The following WSCD2 variants were observed in gnomAD, a reference collection of about 807,000 sequenced individuals.
WSCD2 encodes WSC domain sialate O sulfotransferase 2.
Under a neutral mutation model 55.7 loss-of-function variants are expected in WSCD2, and 28 were observed. The observed-to-expected ratio is 0.50, with a 90% CI of 0.37 to 0.69. The LOEUF is 0.69. WSCD2 is among the 30% of genes least tolerant of loss of function. WSCD2 has a pLI of 0.00. For synonymous variants in WSCD2, 301 were observed against 301.9 expected, an observed-to-expected ratio of 1.00 and a Z score of 0.03; for missense variants, 616 against 762.1, an observed-to-expected ratio of 0.81 and a Z score of 2.26.
chr12:108,210,557 C>A lies in WSCD2; in HGVS notation c.682+252C>A, dbSNP rs1202739079. Among the ~76,000 whole-genome samples, 1 of 152,208 alleles carries A rather than the reference C, an allele frequency of 6.6e-6. No homozygotes were observed. Among genetic ancestry groups the A allele is most frequent in the African/African-American group, 2.4e-5 (1 of 41,446 alleles). On this transcript the variant is annotated intron_variant, in intron 4 of 8. Coordinates refer to ENST00000547525, the MANE Select transcript of WSCD2 (RefSeq NM_014653.4). This position sits in a 1 kb window ranked among gnomAD's most constrained non-coding sequence, Gnocchi z 4.3. ...TCTGGTTCCAGCTGTATCCCTCATT[C>A]TCACCAGTCTTCCTCCTTCTGAAAC...
chr12:108,220,866 A>G (rs757521051), intron 4 of WSCD2, among the ~76,000 whole-genome samples: 1 of 152,140 alleles, frequency 6.6e-6, no homozygotes, highest in Non-Finnish European at 1.5e-5. Flanking sequence ...GCATCTATTC[A>G]TAATAGTATC....
At chr12:108,190,368 G>C (rs1312448300) in intron 1 of WSCD2, among the ~76,000 whole-genome samples, 1 of 152,086 alleles carries the variant, frequency 6.6e-6, no homozygotes, top group Non-Finnish European at 1.5e-5. Context: ...GGTGAAGCTT[G>C]GGTGGTCTGG....
chr12:108,134,078 G>C (rs1160131691), intron 1 of WSCD2, among the ~76,000 whole-genome samples: 2 of 152,172 alleles, frequency 1.3e-5, no homozygotes, highest in Non-Finnish European at 2.9e-5. Flanking sequence ...AAGTGTTGCT[G>C]CTTAGGGGCC....
chr12:108,159,817 A>G (rs577282364), intron 1 of WSCD2, among the ~76,000 whole-genome samples: 51 of 152,254 alleles, frequency 3.3e-4, no homozygotes, highest in Non-Finnish European at 6.0e-4. Context: ...GGTCCTTGCC[A>G]TCATTTGTTT....
At chr12:108,184,088 C>A (rs1472733319) in intron 1 of WSCD2, among the ~76,000 whole-genome samples, 2 of 152,172 alleles carry the variant, frequency 1.3e-5, no homozygotes, top group East Asian at 3.8e-4. Context: ...CCTCCACCTC[C>A]CCTTTAGGCC....
At chr12:108,169,648 C>T (rs1880022815) in intron 1 of WSCD2, among the ~76,000 whole-genome samples, 1 of 152,082 alleles carries the variant, frequency 6.6e-6, no homozygotes, top group African/African-American at 2.4e-5. Flanking sequence ...CAAACATCTG[C>T]ATAAAAGTCC....
At chr12:108,191,743 C>T (rs1883190894) in intron 1 of WSCD2, among the ~76,000 whole-genome samples, 1 of 152,154 alleles carries the variant, frequency 6.6e-6, no homozygotes, top group Non-Finnish European at 1.5e-5. Context: ...TTCCTCTGGG[C>T]GAGCCCCTGC....
At chr12:108,247,528 C>A (rs532028915) in intron 8 of WSCD2, among the ~76,000 whole-genome samples, 1 of 152,112 alleles carries the variant, frequency 6.6e-6, no homozygotes, top group Admixed American at 6.6e-5. Flanking sequence ...GTTTAGAGCT[C>A]TAAAAGGAGT....
chr12:108,189,207 A>G (rs1673203297), intron 1 of WSCD2: 1 of 152,202 alleles, frequency 6.6e-6, no homozygotes, highest in Non-Finnish European at 1.5e-5. Context: ...TTTAGGAAAT[A>G]AAGAGTATAC....
chr12:108,248,120 G>T lies in WSCD2; in HGVS notation c.1475G>T (p.Gly492Val), dbSNP rs756536877. The T allele has an allele frequency of 6.2e-7, 1 of 1,614,094 alleles. No homozygotes were observed. Among genetic ancestry groups the T allele is most frequent in the African/African-American group, 1.3e-5 (1 of 74,932 alleles). ...DLKQDLFVQL[G>V]RMVSLLGVAV... ...AAGCAGGACCTCTTTGTCCAGCTGG[G>T]CCGGATGGTCAGCCTGCTGGGCGTG... The change falls in exon 9 of 9, where the codon GGC becomes GTC. Residue 492 changes from glycine (G) to valine (V), a missense_variant. Physicochemically the swap from Gly to Val is moderately radical, Grantham distance 109 (BLOSUM62 -3). Transcript: ENST00000547525. This position sits in a 1 kb window ranked among gnomAD's most constrained non-coding sequence, Gnocchi z 4.3.
At chr12:108,190,576 C>A (rs1883036345) in intron 1 of WSCD2, among the ~76,000 whole-genome samples, 1 of 152,130 alleles carries the variant, frequency 6.6e-6, no homozygotes, top group African/African-American at 2.4e-5. Flanking sequence ...ACAGGGCAGG[C>A]TATGCCTCTG....
chr12:108,198,996 AC>A (rs1884318190), intron 2 of WSCD2, among the ~76,000 whole-genome samples: 1 of 152,146 alleles, frequency 6.6e-6, no homozygotes, highest in South Asian at 2.1e-4. Flanking sequence ...TGCCACCTGC[AC>A]CCCCACCATG....
At position 108,195,752 on chromosome 12, in the gene WSCD2, A is replaced by G. The variant is rs1883828327; in HGVS notation, c.-81A>G. On this transcript the variant is annotated 5_prime_UTR_variant, in exon 2 of 9. Transcript: ENST00000547525. ...CCCCAAGTGTTCCATCCCTAAGGAA[A>G]GCTTGGGAAACCAAGCCCCTTCCAT... 2 of 1,513,280 alleles carry G rather than the reference A, an allele frequency of 1.3e-6. No homozygotes were observed. The highest frequency in any genetic ancestry group is 1.8e-6 in the Non-Finnish European group (2 of 1,129,820). The allele number at this position is 1,513,280 out of a possible 1,614,324, so 93.7% of individuals were successfully genotyped here. A position where few individuals can be genotyped will look rare whatever the true frequency, so the allele number is the denominator to read the frequency against.
At chr12:108,244,067 TAC>T (rs1889931685) in intron 8 of WSCD2, among the ~76,000 whole-genome samples, 1 of 152,180 alleles carries the variant, frequency 6.6e-6, no homozygotes. Flanking sequence ...GGGAATTAAG[TAC>T]AGTTAAACTA....
chr12:108,233,092 G>A lies in WSCD2; in HGVS notation c.1144+197G>A, dbSNP rs182439387. On this transcript the variant is annotated intron_variant, in intron 7 of 8. Transcript: ENST00000547525. ...GCCCCACAAACATTTCTTAAGTCAT[G>A]TCCTGGATACTCCACTAGCATCCAT... is the stretch of plus-strand genomic sequence containing the variant. 102 of 628,414 alleles carry A rather than the reference G, an allele frequency of 1.6e-4. No individual in the cohort carries two copies. In the East Asian group the frequency reaches 2.2e-3, roughly 13 times the overall value. The allele number at this position is 628,414 out of a possible 1,614,324, so 38.9% of individuals were successfully genotyped here. A position where few individuals can be genotyped will look rare whatever the true frequency, so the allele number is the denominator to read the frequency against.
intron 1 of WSCD2, among the ~76,000 whole-genome samples, chr12:108,152,209 G>A (rs1429619268): frequency 6.6e-6 from 1 of 152,236 alleles, no homozygotes; most frequent in African/African-American, 2.4e-5. Flanking sequence ...AGGAGGCCTA[G>A]CCAGCTCCAG....
At chr12:108,166,714 C>CTTT (rs1365586399) in intron 1 of WSCD2, among the ~76,000 whole-genome samples, 3 of 148,450 alleles carry the variant, frequency 2.0e-5, no homozygotes, top group Non-Finnish European at 4.5e-5. Context: ...TTCTTTCTTT[C>CTTT]CCTCCTTCTT....
rs554096629 is a variant in WSCD2, at chr12:108,166,935, C to T, written c.-551-28347C>T. Among the ~76,000 whole-genome samples, 377 of 151,690 alleles carry T rather than the reference C, an allele frequency of 2.5e-3. 2 individuals carry two copies. Among genetic ancestry groups the T allele is most frequent in the African/African-American group, 8.6e-3 (353 of 41,286 alleles). On this transcript the variant is annotated intron_variant, in intron 1 of 8. Coordinates refer to ENST00000547525, the MANE Select transcript of WSCD2 (RefSeq NM_014653.4). Reference sequence around the variant, plus strand: ...CAAGTGATTCTCCTGCCTCAGCCTCCGGAGTAGCTGGGACTACAGGTGCCC... The same window carrying T: ...CAAGTGATTCTCCTGCCTCAGCCTCTGGAGTAGCTGGGACTACAGGTGCCC...
At chr12:108,131,500 C>T (rs1006142647) in intron 1 of WSCD2, among the ~76,000 whole-genome samples, 1 of 152,296 alleles carries the variant, frequency 6.6e-6, no homozygotes, top group South Asian at 2.1e-4. Flanking sequence ...TTCACAGTTC[C>T]TACTTTACAG....
Sources: allele counts gnomAD v4.1 joint callset (sites outside exome capture counted in the v4.1 genomes callset), GRCh38; gene constraint gnomAD v4.1.1; non-coding constraint Gnocchi (gnomAD v3.1); transcripts MANE v1.5; gene names NCBI Gene and HGNC (gene_info 2026-07-23, HGNC 2026-07-21).